Variants in ATP8B4 observed in about 807,000 individuals in gnomAD.
ATP8B4 encodes the protein probable phospholipid-transporting ATPase IM.
ATP8B4 carries 133 observed loss-of-function variants against 145.6 expected under a neutral mutation model. The ratio of observed to expected loss-of-function variants is 0.91; its 90% CI spans 0.79 to 1.05. ATP8B4 has a LOEUF of 1.05. ATP8B4 is among the 50% of genes least tolerant of loss of function. The probability of loss-of-function intolerance (pLI) is 0.00; values close to 1 mark genes in which losing one functional copy is unlikely to be tolerated. For synonymous variants in ATP8B4, 507 were observed against 492.9 expected, an observed-to-expected ratio of 1.03 and a Z score of -0.38; for missense variants, 1,458 against 1,425.2, an observed-to-expected ratio of 1.02 and a Z score of -0.37.
chr15:49,890,908 A>G (rs1456942092), intron 23 of ATP8B4, among the ~76,000 whole-genome samples: 1 of 152,220 alleles, frequency 6.6e-6, no homozygotes, highest in Non-Finnish European at 1.5e-5. Context: ...CCAGCTTTAC[A>G]GTGGTAGAAC....
At chr15:49,897,909 T>C (rs1477394860) in intron 22 of ATP8B4, among the ~76,000 whole-genome samples, 159 bp downstream of exon 22, 1 of 152,188 alleles carries the variant, frequency 6.6e-6, no homozygotes, top group Non-Finnish European at 1.5e-5. Flanking sequence ...TTGTTACGAA[T>C]ACTAATAATG....
intron 3 of ATP8B4, among the ~76,000 whole-genome samples, chr15:50,054,141 C>T (rs1224404204): frequency 6.6e-6 from 1 of 152,190 alleles, no homozygotes; most frequent in Non-Finnish European, 1.5e-5. Context: ...ACCAGCTATG[C>T]TACAGTAATA....
Position 50,048,640 on chromosome 15 carries a change from G to A in ATP8B4, c.88-1176C>T, listed in dbSNP as rs553410361. Among the ~76,000 whole-genome samples the A allele has an allele frequency of 3.0e-3, 453 of 151,792 alleles. 3 individuals carry two copies. The highest frequency in any genetic ancestry group is 3.0e-3 in the Non-Finnish European group (202 of 67,924). ...GGAGAATCGCTTGAACCCAGGAAGCGGAGGTCGCAGTGAGCCGGAATTGCA... is the reference window on the plus strand; with the variant it reads ...GGAGAATCGCTTGAACCCAGGAAGCAGAGGTCGCAGTGAGCCGGAATTGCA... On this transcript the variant is annotated intron_variant, in intron 3 of 27. Coordinates refer to ENST00000284509, the MANE Select transcript of ATP8B4 (RefSeq NM_024837.4).
chr15:50,097,953 C>A (rs1490610024), intron 2 of ATP8B4, among the ~76,000 whole-genome samples: 1 of 152,130 alleles, frequency 6.6e-6, no homozygotes. Context: ...TCCCATTTTA[C>A]AAATGCGAAA....
chr15:49,915,242 C>T (rs150862415), intron 20 of ATP8B4, among the ~76,000 whole-genome samples: 212 of 152,000 alleles, frequency 1.4e-3, no homozygotes, highest in Admixed American at 4.0e-3. Flanking sequence ...CACTCCTATG[C>T]GAAAACTAAA....
intron 1 of ATP8B4, among the ~76,000 whole-genome samples, chr15:50,180,254 T>A (rs772636243): frequency 6.6e-6 from 1 of 152,094 alleles, no homozygotes; most frequent in African/African-American, 2.4e-5. Context: ...CCAGAAAGCA[T>A]GTACCCCTAA....
At position 49,918,904 on chromosome 15, in the gene ATP8B4, A is replaced by G. The variant is rs754358961; in HGVS notation, c.1970T>C (p.Ile657Thr). Residue 657 changes from isoleucine to threonine, a missense_variant, in exon 19 of 28, where the codon ATT (isoleucine) becomes ACT (threonine). Ile to Thr is a moderately conservative substitution (Grantham distance 89, BLOSUM62 -1). Coordinates refer to ENST00000284509, the MANE Select transcript of ATP8B4 (RefSeq NM_024837.4). ...TAGTGATAAACTTGTAACTGTTTCA[A>G]TAACACCCTCCTGTAACTTATCTTC... The part of the protein sequence containing the change: ...AVEDKLQEGV[I>T]ETVTSLSLAN... The G allele has an allele frequency of 8.1e-6, 13 of 1,613,884 alleles. No homozygotes were observed. Among genetic ancestry groups the G allele is most frequent in the South Asian group, 3.3e-5 (3 of 91,062 alleles).
At chr15:50,038,721 C>G (rs780903318) in intron 6 of ATP8B4, 47 bp downstream of exon 6, 70 of 1,461,140 alleles carry the variant, frequency 4.8e-5, no homozygotes, top group Non-Finnish European at 6.4e-5. Context: ...AGAGCTGTTT[C>G]AGGGTCCTAG....
At chr15:49,923,544 C>A (rs752878512) in intron 16 of ATP8B4, 50 bp from the exon 17 acceptor site, 2 of 1,291,124 alleles carry the variant, frequency 1.5e-6, no homozygotes, top group South Asian at 2.6e-5. Context: ...CGTCATACAT[C>A]AAAATTAGAT....
At chr15:49,923,280 A>G (rs2040418140) in intron 17 of ATP8B4, 99 bp downstream of exon 17, 2 of 809,542 alleles carry the variant, frequency 2.5e-6, no homozygotes, top group Non-Finnish European at 2.0e-6. Flanking sequence ...TTTCTATTTC[A>G]GTAGTCAAAT....
chr15:50,177,617 T>G (rs1011731716), intron 1 of ATP8B4, among the ~76,000 whole-genome samples: 1 of 152,184 alleles, frequency 6.6e-6, no homozygotes, highest in Admixed American at 6.5e-5. Context: ...CCTTTCCCAC[T>G]CTATGCAATG....
chr15:49,990,777 G>C (rs567484550), intron 9 of ATP8B4, among the ~76,000 whole-genome samples: 1 of 152,226 alleles, frequency 6.6e-6, no homozygotes, highest in Non-Finnish European at 1.5e-5. Flanking sequence ...AATAGAAATA[G>C]TTCTTGATTA....
intron 3 of ATP8B4, among the ~76,000 whole-genome samples, chr15:50,067,850 C>T (rs898509088): frequency 2.0e-5 from 3 of 151,990 alleles, no homozygotes; most frequent in Non-Finnish European, 4.4e-5. Context: ...TGTACATTGC[C>T]GCAAATACTG....
chr15:50,032,659 G>A (rs988658517), intron 6 of ATP8B4, among the ~76,000 whole-genome samples: 2 of 152,150 alleles, frequency 1.3e-5, no homozygotes, highest in African/African-American at 2.4e-5. Flanking sequence ...GAAATGGTAC[G>A]TGAATTGTGA....
Position 49,993,191 on chromosome 15 carries a change from T to C in ATP8B4, c.589+3486A>G, listed in dbSNP as rs77675211. 5.6e-3 allele frequency among the ~76,000 whole-genome samples: 857 copies of C among 151,996 alleles called. 7 individuals are homozygous for C. Among genetic ancestry groups the C allele is most frequent in the African/African-American group, 0.02 (821 of 41,472 alleles). ...CTTAATAAACAGACTTAAACTAATA[T>C]GGAGAGAGTGATAAAAACAAAGATA... On this transcript the variant is annotated intron_variant, in intron 9 of 27. Coordinates refer to ENST00000284509, the MANE Select transcript of ATP8B4 (RefSeq NM_024837.4).
intron 14 of ATP8B4, among the ~76,000 whole-genome samples, chr15:49,940,397 C>G (rs187578710): frequency 1.7e-4 from 26 of 152,174 alleles, no homozygotes; most frequent in Non-Finnish European, 3.5e-4. Flanking sequence ...ACTGCTACAG[C>G]AGGGAGGTAG....
intron 14 of ATP8B4, among the ~76,000 whole-genome samples, chr15:49,947,055 G>A (rs752915197): frequency 2.6e-5 from 4 of 152,172 alleles, no homozygotes; most frequent in Non-Finnish European, 5.9e-5. Flanking sequence ...TTTCTATCAC[G>A]GTAGGGTTGT....
intron 23 of ATP8B4, among the ~76,000 whole-genome samples, chr15:49,884,359 T>C (rs982895481): frequency 2.0e-5 from 3 of 151,988 alleles, no homozygotes; most frequent in Non-Finnish European, 4.4e-5. Flanking sequence ...CCCAACACTT[T>C]GGGGGTCGAG....
intron 1 of ATP8B4, among the ~76,000 whole-genome samples, chr15:50,152,474 G>A (rs367975939): frequency 6.6e-6 from 1 of 151,944 alleles, no homozygotes; most frequent in Admixed American, 6.6e-5. Flanking sequence ...CTTATTGTTT[G>A]ACAATATTTT....
Sources: allele counts gnomAD v4.1 joint callset (sites outside exome capture counted in the v4.1 genomes callset), GRCh38; gene constraint gnomAD v4.1.1; transcripts MANE v1.5; gene names NCBI Gene and HGNC (gene_info 2026-07-23, HGNC 2026-07-21).